The following SLC16A10 variants were observed in gnomAD, a reference collection of about 807,000 sequenced individuals.
The protein encoded by SLC16A10 is solute carrier family 16 member 10.
In SLC16A10, 27 loss-of-function variants were observed where a neutral mutation model predicts 40.0. The observed-to-expected ratio is 0.67, with a 90% CI of 0.50 to 0.93. SLC16A10 has a LOEUF of 0.93. SLC16A10 is among the 40% of genes least tolerant of loss of function. SLC16A10 has a pLI of 0.00. For synonymous variants in SLC16A10, 213 were observed against 249.8 expected, an observed-to-expected ratio of 0.85 and a Z score of 1.39; for missense variants, 529 against 658.2, an observed-to-expected ratio of 0.80 and a Z score of 2.15.
intron 1 of SLC16A10, among the ~76,000 whole-genome samples, chr6:111,141,490 C>T (rs756110306): frequency 2.0e-4 from 30 of 152,028 alleles, no homozygotes; most frequent in Non-Finnish European, 3.5e-4. Context: ...TGGAAAAACC[C>T]CATCTCTCCC....
intron 4 of SLC16A10, among the ~76,000 whole-genome samples, chr6:111,215,088 C>T (rs943032483): frequency 1.3e-5 from 2 of 151,758 alleles, no homozygotes; most frequent in African/African-American, 4.8e-5. Context: ...CACTGCACTC[C>T]AGCCTGGGTG....
chr6:111,220,177 G>A (rs1255944918), intron 5 of SLC16A10, among the ~76,000 whole-genome samples: 1 of 152,164 alleles, frequency 6.6e-6, no homozygotes, highest in African/African-American at 2.4e-5. Context: ...TGACTGCCAG[G>A]GGCTGGAGAG....
At chr6:111,186,200 G>A (rs1332654948) in intron 3 of SLC16A10, among the ~76,000 whole-genome samples, 1 of 152,134 alleles carries the variant, frequency 6.6e-6, no homozygotes, top group Non-Finnish European at 1.5e-5. Context: ...ACTGCATCTG[G>A]CCTTCACTAG....
At chr6:111,213,982 C>T (rs987391515) in intron 4 of SLC16A10, among the ~76,000 whole-genome samples, 3 of 152,200 alleles carry the variant, frequency 2.0e-5, no homozygotes, top group African/African-American at 7.2e-5. Context: ...TATTCAGGTG[C>T]AGCTCATTGT....
At chr6:111,210,553 C>A (rs1474729549) in intron 4 of SLC16A10, among the ~76,000 whole-genome samples, 1 of 152,142 alleles carries the variant, frequency 6.6e-6, no homozygotes, top group African/African-American at 2.4e-5. Context: ...AGCTCAGATG[C>A]TGTTAGGGTG....
Position 111,112,008 on chromosome 6 carries a change from G to GTATAGA in SLC16A10, c.343+23936_343+23941dup, listed in dbSNP as rs1215451337. Among the ~76,000 whole-genome samples the GTATAGA allele has an allele frequency of 2.8e-3, 431 of 152,138 alleles. 1 individual carries two copies. Among genetic ancestry groups the GTATAGA allele is most frequent in the Middle Eastern group, 0.017 (5 of 294 alleles). On this transcript the variant is annotated intron_variant, in intron 1 of 5. Transcript: ENST00000368851. ...GATGTGTGTGTGTGTATATAGGTAT[G>GTATAGA]TATAGATATAGATATAGATATAGAT... is the stretch of plus-strand genomic sequence containing the variant.
chr6:111,166,803 G>A (rs1772481565), intron 1 of SLC16A10, among the ~76,000 whole-genome samples: 1 of 152,154 alleles, frequency 6.6e-6, no homozygotes, highest in South Asian at 2.1e-4. Context: ...TAGAGCCTTG[G>A]GATTTTTTCT....
intron 1 of SLC16A10, among the ~76,000 whole-genome samples, chr6:111,104,751 T>C (rs1019211609): frequency 6.6e-6 from 1 of 152,148 alleles, no homozygotes; most frequent in Non-Finnish European, 1.5e-5. Context: ...GAACATGACA[T>C]AATGGAAACC....
intron 1 of SLC16A10, among the ~76,000 whole-genome samples, chr6:111,125,921 A>G (rs937700983): frequency 1.3e-5 from 2 of 152,080 alleles, no homozygotes; most frequent in Non-Finnish European, 2.9e-5. Flanking sequence ...TTTGAACTCA[A>G]ATACTGCTCT....
At position 111,226,986 on chromosome 6, in the gene SLC16A10, C is replaced by T. The variant is rs551179049; in HGVS notation, c.*4751C>T. ...GTCTCTACAAAAAAAATTTAGCCAG[C>T]TTGGTGGCACATGCCTGTAGTCCCA... is the stretch of plus-strand genomic sequence containing the variant. On this transcript the variant is annotated 3_prime_UTR_variant, in exon 6 of 6. Transcript: ENST00000368851. 6.6e-6 allele frequency: 1 copy of T among 152,382 alleles called. No homozygotes were observed. The highest frequency in any genetic ancestry group is 1.9e-4 in the East Asian group (1 of 5,184). 9.4% of individuals were successfully genotyped at this position (152,382 alleles called of 1,614,324 possible).
At chr6:111,206,958 A>G (rs1460814367) in intron 4 of SLC16A10, among the ~76,000 whole-genome samples, 1 of 152,030 alleles carries the variant, frequency 6.6e-6, no homozygotes, top group Non-Finnish European at 1.5e-5. Context: ...CCTCCCAGGT[A>G]GCTGGGATTA....
intron 1 of SLC16A10, among the ~76,000 whole-genome samples, chr6:111,117,104 G>A (rs9398266): frequency 0.81 from 123,546 of 151,896 alleles, 50,436 homozygotes; most frequent in Non-Finnish European, 0.85. Flanking sequence ...TAATCCCAGC[G>A]CTTTGGGAGG....
chr6:111,094,246 C>T (rs573779208), intron 1 of SLC16A10, among the ~76,000 whole-genome samples: 1 of 152,102 alleles, frequency 6.6e-6, no homozygotes, highest in African/African-American at 2.4e-5. Context: ...TTTCTTCCAT[C>T]CACTGTCTTG....
At chr6:111,093,041 C>CAAAA (rs773591090) in intron 1 of SLC16A10, among the ~76,000 whole-genome samples, 2 of 114,714 alleles carry the variant, frequency 1.7e-5, no homozygotes, top group Non-Finnish European at 3.7e-5. Context: ...AACTCCGTCT[C>CAAAA]AAAAAAAAAA....
At chr6:111,098,242 G>A (rs757250090) in intron 1 of SLC16A10, among the ~76,000 whole-genome samples, 45 of 152,150 alleles carry the variant, frequency 3.0e-4, no homozygotes, top group Middle Eastern at 3.4e-3. Flanking sequence ...CGAGTTGGAG[G>A]TTGCAATGAG....
At chr6:111,157,552 G>T (rs896796472) in intron 1 of SLC16A10, among the ~76,000 whole-genome samples, 4 of 152,136 alleles carry the variant, frequency 2.6e-5, no homozygotes, top group African/African-American at 4.8e-5. Context: ...GAAGTGCTGG[G>T]ATTACAGGCA....
chr6:111,121,368 C>A (rs1207223855), intron 1 of SLC16A10, among the ~76,000 whole-genome samples: 1 of 152,152 alleles, frequency 6.6e-6, no homozygotes, highest in African/African-American at 2.4e-5. Context: ...TCAAGACCAG[C>A]CTGGGCAACA....
rs552093253 is a variant in SLC16A10, at chr6:111,225,689, A to G, written c.*3454A>G. ...CTTGAAATTGGCCTATGTCCAGATG[A>G]CTTTTGATGTTAAATCAATGGAAAA... On this transcript the variant is annotated 3_prime_UTR_variant, in exon 6 of 6. Coordinates refer to ENST00000368851, the MANE Select transcript of SLC16A10 (RefSeq NM_018593.5). 2 of 152,248 alleles carry G rather than the reference A, an allele frequency of 1.3e-5. No homozygotes were observed. Among genetic ancestry groups the G allele is most frequent in the Admixed American group, 1.3e-4 (2 of 15,290 alleles). 9.4% of individuals were successfully genotyped at this position (152,248 alleles called of 1,614,324 possible).
chr6:111,177,691 G>A, intron 3 of SLC16A10, 26 bp downstream of exon 3: 1 of 1,471,134 alleles, frequency 6.8e-7, no homozygotes, highest in African/African-American at 1.4e-5. Flanking sequence ...CACTGATCAT[G>A]AATATTACTA....
Sources: allele counts gnomAD v4.1 joint callset (sites outside exome capture counted in the v4.1 genomes callset), GRCh38; gene constraint gnomAD v4.1.1; transcripts MANE v1.5; gene names NCBI Gene and HGNC (gene_info 2026-07-23, HGNC 2026-07-21).